The following SLC30A7 variants were observed in gnomAD, a reference collection of about 807,000 sequenced individuals.
SLC30A7 encodes the protein solute carrier family 30 member 7.
Under a neutral mutation model 46.0 loss-of-function variants are expected in SLC30A7, and 35 were observed. That is an observed-to-expected ratio of 0.76 (90% CI 0.58 to 1.01). The LOEUF is 1.01. Among genes scored for constraint, SLC30A7 ranks in the 50% least tolerant of loss-of-function variants. SLC30A7 has a pLI of 0.00. For synonymous variants in SLC30A7, 147 were observed against 157.8 expected, an observed-to-expected ratio of 0.93 and a Z score of 0.51; for missense variants, 464 against 451.1, an observed-to-expected ratio of 1.03 and a Z score of -0.26.
At chr1:100,952,889 A>C (rs1161082397) in intron 8 of SLC30A7, among the ~76,000 whole-genome samples, 1 of 152,196 alleles carries the variant, frequency 6.6e-6, no homozygotes, top group Non-Finnish European at 1.5e-5. Flanking sequence ...CACTATGTAG[A>C]TTGGATCAAA....
chr1:100,971,315 T>A (rs1204252554), intron 10 of SLC30A7, among the ~76,000 whole-genome samples: 1 of 152,014 alleles, frequency 6.6e-6, no homozygotes, highest in Non-Finnish European at 1.5e-5. Context: ...CCTTTTTTTT[T>A]CTCTAAGCTT....
At chr1:100,949,224 A>G (rs560072580) in intron 8 of SLC30A7, among the ~76,000 whole-genome samples, 1 of 152,208 alleles carries the variant, frequency 6.6e-6, no homozygotes, top group East Asian at 1.9e-4. Context: ...GGTTGATGCT[A>G]TGCCTTTCTG....
intron 8 of SLC30A7, among the ~76,000 whole-genome samples, chr1:100,928,274 G>C (rs967444462): frequency 2.0e-5 from 3 of 152,082 alleles, no homozygotes; most frequent in African/African-American, 7.2e-5. Context: ...CAAGCAAGAA[G>C]GACATCTGCC....
intron 2 of SLC30A7, among the ~76,000 whole-genome samples, chr1:100,897,135 T>C (rs72734251): frequency 0.017 from 2,537 of 152,190 alleles, 32 homozygotes; most frequent in Non-Finnish European, 0.03. Flanking sequence ...TATAAAGTGA[T>C]ATCGGGAGGA....
rs1004370299 is a variant in SLC30A7 at position 100,968,521 on chromosome 1, C to T, written c.1083+2603C>T. Reference sequence around the variant, plus strand: ...AGTTGAAAAATAAAAACCTTGGTGGCGCCTCATTGCCATCCAGGTAAAGCC... The same window carrying T: ...AGTTGAAAAATAAAAACCTTGGTGGTGCCTCATTGCCATCCAGGTAAAGCC... On this transcript the variant is annotated intron_variant, in intron 10 of 10. Transcript: ENST00000357650. Among the ~76,000 whole-genome samples the T allele has an allele frequency of 3.3e-5, 5 of 151,822 alleles. No homozygotes were observed. The South Asian group carries it at 6.2e-4, about 19-fold the overall frequency.
intron 8 of SLC30A7, among the ~76,000 whole-genome samples, chr1:100,942,399 A>C (rs1437194051): frequency 6.6e-6 from 1 of 152,226 alleles, no homozygotes; most frequent in Non-Finnish European, 1.5e-5. Context: ...TGTAATAGCA[A>C]AAGATTGGAA....
the SLC30A7 span, among the ~76,000 whole-genome samples, chr1:100,993,548 T>C: frequency 1.5e-5 from 1 of 67,852 alleles, no homozygotes; most frequent in African/African-American, 5.1e-5. Context: ...CAAGACTCTG[T>C]CGAAAATATA....
intron 8 of SLC30A7, among the ~76,000 whole-genome samples, chr1:100,922,726 A>G (rs1653026342): frequency 6.6e-6 from 1 of 152,192 alleles, no homozygotes; most frequent in Non-Finnish European, 1.5e-5. Context: ...TAAATTCTCA[A>G]TAAATATTTG....
At chr1:100,910,326 A>G (rs2101015120) in intron 3 of SLC30A7, among the ~76,000 whole-genome samples, 1 of 152,296 alleles carries the variant, frequency 6.6e-6, no homozygotes, top group Non-Finnish European at 1.5e-5. Flanking sequence ...TAAGCCAAAT[A>G]TACGATACAG....
At chr1:100,906,432 C>A (rs1216414973) in intron 2 of SLC30A7, among the ~76,000 whole-genome samples, 1 of 152,116 alleles carries the variant, frequency 6.6e-6, no homozygotes, top group Non-Finnish European at 1.5e-5. Context: ...AGCCTGGTAT[C>A]AAAAGGGTGG....
chr1:100,928,613 CATA>C (rs1464760314), intron 8 of SLC30A7, among the ~76,000 whole-genome samples: 2 of 150,840 alleles, frequency 1.3e-5, no homozygotes, highest in Non-Finnish European at 3.0e-5. Flanking sequence ...TTTTATTTTT[CATA>C]ATATTTTTGT....
intron 9 of SLC30A7, among the ~76,000 whole-genome samples, 165 bp from the exon 10 acceptor site, chr1:100,965,604 A>G (rs1655815190): frequency 6.6e-6 from 1 of 152,226 alleles, no homozygotes; most frequent in Non-Finnish European, 1.5e-5. Context: ...CTGGCACATA[A>G]TTAGTACTCA....
chr1:100,975,329 A>AG lies in SLC30A7; in HGVS notation c.*472_*473insG, dbSNP rs1394238589. On this transcript the variant is annotated 3_prime_UTR_variant, in exon 11 of 11. Transcript: ENST00000357650. Reference sequence around the variant, plus strand: ...AACCAGTATTACTTTTTTTTAAAAAAAGAAAGAAATTGGAAATCTGTGCTA... The same window carrying AG: ...AACCAGTATTACTTTTTTTTAAAAAAGAGAAAGAAATTGGAAATCTGTGCTA... 1 of 152,908 alleles carries AG rather than the reference A, an allele frequency of 6.5e-6. No homozygotes were observed. The highest frequency in any genetic ancestry group is 1.5e-5 in the Non-Finnish European group (1 of 68,312). The allele number at this position is 152,908 out of a possible 1,614,324, so 9.5% of individuals were successfully genotyped here.
chr1:100,926,172 T>A (rs531593639), intron 8 of SLC30A7, among the ~76,000 whole-genome samples: 1 of 152,242 alleles, frequency 6.6e-6, no homozygotes, highest in African/African-American at 2.4e-5. Context: ...TCAGGTCATA[T>A]GATTGGATTT....
chr1:100,962,174 AG>A (rs1655586072), intron 9 of SLC30A7, among the ~76,000 whole-genome samples: 1 of 152,202 alleles, frequency 6.6e-6, no homozygotes, highest in African/African-American at 2.4e-5. Flanking sequence ...TCTATAGCAG[AG>A]ATATTCATTC....
intron 2 of SLC30A7, among the ~76,000 whole-genome samples, chr1:100,900,259 A>G (rs1349350075): frequency 6.6e-6 from 1 of 152,214 alleles, no homozygotes; most frequent in East Asian, 1.9e-4. Context: ...AGCTGTTGCA[A>G]CCATTTTTCC....
chr1:100,938,272 G>A (rs1406661719), intron 8 of SLC30A7, among the ~76,000 whole-genome samples: 1 of 152,108 alleles, frequency 6.6e-6, no homozygotes, highest in African/African-American at 2.4e-5. Flanking sequence ...AAATGTCACT[G>A]GGATTTTGAT....
At chr1:100,993,626 ATAGAT>A in the SLC30A7 span, among the ~76,000 whole-genome samples, 1 of 137,184 alleles carries the variant, frequency 7.3e-6, no homozygotes, top group African/African-American at 2.7e-5. Flanking sequence ...CACAGTTCAA[ATAGAT>A]TATTTTACTG....
chr1:100,989,388 T>G, the SLC30A7 span, among the ~76,000 whole-genome samples: 1 of 152,154 alleles, frequency 6.6e-6, no homozygotes, highest in Non-Finnish European at 1.5e-5. Flanking sequence ...TCTTATAACC[T>G]CCAAAATACA....
Sources: allele counts gnomAD v4.1 joint callset (sites outside exome capture counted in the v4.1 genomes callset), GRCh38; gene constraint gnomAD v4.1.1; transcripts MANE v1.5; gene names NCBI Gene and HGNC (gene_info 2026-07-23, HGNC 2026-07-21).